The following UBN2 variants were observed in gnomAD, a reference collection of about 807,000 sequenced individuals.
UBN2 encodes ubinuclein 2.
A neutral mutation model predicts 120.2 loss-of-function variants in UBN2; 35 were observed. The observed-to-expected ratio is 0.29, with a 90% CI of 0.22 to 0.39. UBN2 has a LOEUF of 0.39. Among genes scored for constraint, UBN2 ranks in the 10% least tolerant of loss-of-function variants. The pLI, the probability that UBN2 is intolerant of heterozygous loss-of-function variation, is 1.00. For synonymous variants in UBN2, 661 were observed against 648.7 expected, an observed-to-expected ratio of 1.02 and a Z score of -0.29; for missense variants, 1,693 against 1,663.2, an observed-to-expected ratio of 1.02 and a Z score of -0.31.
At chr7:139,279,456 A>T in intron 13 of UBN2, 96 bp downstream of exon 13, 2 of 903,578 alleles carry the variant, frequency 2.2e-6, no homozygotes, top group Non-Finnish European at 3.5e-6. Context: ...AGCAGAGGTC[A>T]GTAGGCACTA....
Position 139,284,216 on chromosome 7 carries a change from C to T in UBN2, c.3311C>T (p.Ser1104Phe), listed in dbSNP as rs765750762. ...PNALVAQGSH[S>F]STNSPVHKQP... The stretch of plus-strand genomic sequence containing the variant: ...GCACTAGTTGCCCAGGGTAGCCACT[C>T]CAGCACTAACAGCCCAGTCCATAAA... Residue 1104 changes from serine (S) to phenylalanine (F), a missense_variant, in exon 15 of 18, where the codon TCC (serine) becomes TTC (phenylalanine). This residue lies in a region of UBN2 where 837 missense variants were observed against 817.6 expected (regional missense o/e 1.02). Transcript: ENST00000473989. 1.5e-5 allele frequency: 24 copies of T among 1,614,198 alleles called. No homozygotes were observed. The highest frequency in any genetic ancestry group is 2.0e-5 in the Non-Finnish European group (24 of 1,180,040).
downstream of UBN2, among the ~76,000 whole-genome samples, chr7:139,309,110 AAGAG>A (rs1158602742): frequency 6.6e-6 from 1 of 152,234 alleles, no homozygotes; most frequent in Non-Finnish European, 1.5e-5. Flanking sequence ...GAGAACGATG[AAGAG>A]AGAGAAAGCA....
chr7:139,268,295 T>C (rs1456113142), intron 7 of UBN2, among the ~76,000 whole-genome samples: 1 of 152,206 alleles, frequency 6.6e-6, no homozygotes, highest in East Asian at 1.9e-4. Context: ...GAGTTGAATT[T>C]TTTTTTTCCC....
At chr7:139,252,618 A>C (rs138186398) in intron 3 of UBN2, among the ~76,000 whole-genome samples, 1 of 152,100 alleles carries the variant, frequency 6.6e-6, no homozygotes, top group African/African-American at 2.4e-5. Context: ...AGTGCATCTC[A>C]TGGTTTGCTG....
intron 7 of UBN2, 116 bp downstream of exon 7, chr7:139,266,519 C>G (rs1416677371): frequency 1.8e-6 from 1 of 549,570 alleles, no homozygotes; most frequent in East Asian, 3.2e-5. Flanking sequence ...CCCCTTAAGC[C>G]TTACAGCATG....
At chr7:139,253,847 A>G (rs1190193120) in intron 3 of UBN2, among the ~76,000 whole-genome samples, 1 of 152,222 alleles carries the variant, frequency 6.6e-6, no homozygotes, top group South Asian at 2.1e-4. Context: ...CTAGGTGACT[A>G]TTACACTACC....
the UBN2 span, among the ~76,000 whole-genome samples, chr7:139,314,710 T>C: frequency 1.5e-4 from 23 of 151,896 alleles, 1 homozygote; most frequent in Non-Finnish European, 2.1e-4. Context: ...GGTCATGAAC[T>C]CCTGACTTCA....
chr7:139,286,352 C>A (rs1797786695), intron 15 of UBN2, among the ~76,000 whole-genome samples: 1 of 152,234 alleles, frequency 6.6e-6, no homozygotes, highest in Admixed American at 6.5e-5. Flanking sequence ...GCATGAGTCA[C>A]TGCGCCGGGC....
At chr7:139,329,075 ATC>A in the UBN2 span, among the ~76,000 whole-genome samples, 1 of 151,692 alleles carries the variant, frequency 6.6e-6, no homozygotes, top group Non-Finnish European at 1.5e-5. Context: ...GCAAGATCCA[ATC>A]TCTATTTTTT....
Position 139,261,657 on chromosome 7 carries a change from T to A in UBN2, c.1311T>A (p.Thr437=). ...GAACCACCACCCAGCCAACCTACAC[T>A]TCTCAGGTTATGCCCAAAGTGGTAC... ...ENGTTTQPTY[T]SQVMPKVVPT... The change falls in exon 6 of 18, where the codon ACT becomes ACA. Residue 437 remains threonine, a synonymous_variant. Transcript: ENST00000473989. 1.2e-6 allele frequency: 2 copies of A among 1,614,162 alleles called. No homozygotes were observed. Among genetic ancestry groups the A allele is most frequent in the Non-Finnish European group, 1.7e-6 (2 of 1,180,022 alleles).
At chr7:139,232,885 ATTG>A (rs754183307) in intron 1 of UBN2, among the ~76,000 whole-genome samples, 2 of 152,194 alleles carry the variant, frequency 1.3e-5, no homozygotes, top group African/African-American at 2.4e-5. Flanking sequence ...TGTAATTTTT[ATTG>A]TTGTGGGTTG....
At chr7:139,308,616 G>A (rs1335077591), downstream of UBN2, among the ~76,000 whole-genome samples, 2 of 152,140 alleles carry the variant, frequency 1.3e-5, no homozygotes, top group Non-Finnish European at 2.9e-5. Flanking sequence ...GCTGTGAGGG[G>A]CATGTTTGGA....
At chr7:139,329,015 A>T in the UBN2 span, among the ~76,000 whole-genome samples, 5 of 152,012 alleles carry the variant, frequency 3.3e-5, no homozygotes, top group South Asian at 1.0e-3. Flanking sequence ...GGAGGCTGAG[A>T]TGGGAGGATC....
At chr7:139,233,304 G>A (rs963170193) in intron 1 of UBN2, among the ~76,000 whole-genome samples, 1 of 152,032 alleles carries the variant, frequency 6.6e-6, no homozygotes, top group African/African-American at 2.4e-5. Flanking sequence ...ATAAATCTGA[G>A]GTCACTTTTT....
intron 2 of UBN2, among the ~76,000 whole-genome samples, chr7:139,251,315 C>G (rs117923394): frequency 2.0e-5 from 3 of 152,180 alleles, no homozygotes; most frequent in Non-Finnish European, 2.9e-5. Context: ...TGACATCTTG[C>G]AATTTGTATG....
Position 139,261,595 on chromosome 7 carries a change from G to T in UBN2, c.1249G>T (p.Asp417Tyr), listed in dbSNP as rs1388191041. Reference protein sequence around the residue: ...DFDRLLDAASDGSPLSESGGE... With the variant: ...DFDRLLDAASYGSPLSESGGE... ...CGACAGATTACTGGATGCTGCTTCT[G>T]ATGGTAGCCCCCTATCTGAGTCGGG... The change falls in exon 6 of 18, where the codon GAT becomes TAT. Residue 417 changes from aspartate to tyrosine, a missense_variant. Asp to Tyr is a radical substitution (Grantham distance 160). This residue lies in a region of UBN2 where 663 missense variants were observed against 591.2 expected (regional missense o/e 1.12). Coordinates refer to ENST00000473989, the MANE Select transcript of UBN2 (RefSeq NM_173569.4). The T allele has an allele frequency of 1.2e-6, 2 of 1,614,200 alleles. No individual in the cohort carries two copies. The highest frequency in any genetic ancestry group is 1.3e-5 in the African/African-American group (1 of 75,050).
At chr7:139,268,849 A>G (rs1319913194) in intron 7 of UBN2, among the ~76,000 whole-genome samples, 1 of 152,200 alleles carries the variant, frequency 6.6e-6, no homozygotes, top group Admixed American at 6.5e-5. Context: ...CAGCTTGTTC[A>G]TGGTTATTGA....
intron 2 of UBN2, among the ~76,000 whole-genome samples, chr7:139,240,446 A>AT (rs1796287042): frequency 2.5e-5 from 1 of 39,554 alleles, no homozygotes. Flanking sequence ...ATATATATAT[A>AT]TATATATATT....
At chr7:139,287,968 C>T (rs1402373731) in intron 15 of UBN2, among the ~76,000 whole-genome samples, 1 of 151,970 alleles carries the variant, frequency 6.6e-6, no homozygotes, top group Admixed American at 6.5e-5. Context: ...AAGTTAAACT[C>T]CTTCTGGGTT....
Sources: allele counts gnomAD v4.1 joint callset (sites outside exome capture counted in the v4.1 genomes callset), GRCh38; gene constraint gnomAD v4.1.1; regional missense constraint gnomAD v4.1.1; transcripts MANE v1.5; gene names NCBI Gene and HGNC (gene_info 2026-07-23, HGNC 2026-07-21).